CHD9: variants seen among roughly 807,000 people sequenced by gnomAD.
The protein encoded by CHD9 is chromodomain helicase DNA binding protein 9, also known as ATP-dependent chromatin remodeler CHD9.
A neutral mutation model predicts 316.1 loss-of-function variants in CHD9; 77 were observed. The ratio of observed to expected loss-of-function variants is 0.24; its 90% confidence interval spans 0.20 to 0.29. CHD9 has a LOEUF of 0.29. CHD9 is among the 10% of genes least tolerant of loss of function. The pLI is 1.00. For missense variants in CHD9, 2,763 were observed against 3,438.1 expected (o/e 0.80, Z 4.91); for synonymous variants, 1,129 against 1,158.3 (o/e 0.97, Z 0.51).
At chr16:53,093,198 C>G (rs1395577882) in intron 1 of CHD9, among the ~76,000 whole-genome samples, 1 of 152,204 alleles carries the variant, frequency 6.6e-6, no homozygotes, top group Non-Finnish European at 1.5e-5. Flanking sequence ...GGTGGTGAGC[C>G]TCTCTGAATC....
At chr16:53,080,086 G>T (rs2034887582) in intron 1 of CHD9, among the ~76,000 whole-genome samples, 1 of 152,166 alleles carries the variant, frequency 6.6e-6, no homozygotes, top group Admixed American at 6.5e-5. Context: ...CCCTTAACCT[G>T]TGGAATCTCC....
At chr16:53,322,133 GA>G (rs2057317768) in intron 38 of CHD9, among the ~76,000 whole-genome samples, 1 of 151,272 alleles carries the variant, frequency 6.6e-6, no homozygotes, top group Non-Finnish European at 1.5e-5. Flanking sequence ...AAGTAGCTGG[GA>G]CAATAGGTGC....
chr16:53,109,011 G>A (rs766601445), intron 1 of CHD9, among the ~76,000 whole-genome samples: 1 of 152,216 alleles, frequency 6.6e-6, no homozygotes, highest in Non-Finnish European at 1.5e-5. Flanking sequence ...GGGTGTATCT[G>A]GGGATAACTG....
At chr16:53,188,864 C>T (rs2152822454) in intron 2 of CHD9, among the ~76,000 whole-genome samples, 1 of 151,888 alleles carries the variant, frequency 6.6e-6, no homozygotes, top group Admixed American at 6.6e-5. Flanking sequence ...GGATTACAGG[C>T]GTGAGCTACC....
chr16:53,195,318 A>G (rs891849598), intron 2 of CHD9, among the ~76,000 whole-genome samples: 1 of 152,222 alleles, frequency 6.6e-6, no homozygotes, highest in African/African-American at 2.4e-5. Context: ...TATGTTGGAC[A>G]TATACCCAAG....
chr16:53,288,435 G>A (rs1235355749), intron 27 of CHD9, among the ~76,000 whole-genome samples: 2 of 152,230 alleles, frequency 1.3e-5, no homozygotes, highest in Non-Finnish European at 2.9e-5. Context: ...ATAGTTCTCA[G>A]TGCTCTGTTT....
At chr16:53,105,319 T>C (rs1017753265) in intron 1 of CHD9, among the ~76,000 whole-genome samples, 1 of 152,150 alleles carries the variant, frequency 6.6e-6, no homozygotes, top group East Asian at 2.0e-4. Flanking sequence ...ATATTTCATA[T>C]ATATGTATGT....
At chr16:53,106,040 G>A (rs866563409) in intron 1 of CHD9, among the ~76,000 whole-genome samples, 3 of 151,890 alleles carry the variant, frequency 2.0e-5, no homozygotes, top group Non-Finnish European at 2.9e-5. Flanking sequence ...ACCAGGCTTC[G>A]AACTCCTGAC....
chr16:53,230,083 ACAGCT>A (rs1422656116), intron 8 of CHD9, among the ~76,000 whole-genome samples: 1 of 152,158 alleles, frequency 6.6e-6, no homozygotes, highest in Non-Finnish European at 1.5e-5. Flanking sequence ...TTTAAAGGGT[ACAGCT>A]CATTTTGTAG....
intron 1 of CHD9, among the ~76,000 whole-genome samples, chr16:53,151,376 C>A (rs918150459): frequency 3.3e-5 from 5 of 151,812 alleles, no homozygotes; most frequent in African/African-American, 1.2e-4. Context: ...CTCAGCCTCT[C>A]CCAAGTAGCT....
At chr16:53,136,982 T>C (rs2039763294) in intron 1 of CHD9, among the ~76,000 whole-genome samples, 1 of 145,864 alleles carries the variant, frequency 6.9e-6, no homozygotes, top group African/African-American at 2.5e-5. Context: ...TGTGTTTTTC[T>C]TTTTTTTTTT....
intron 8 of CHD9, 101 bp downstream of exon 8, chr16:53,229,201 G>A (rs1282487702): frequency 1.8e-6 from 1 of 571,066 alleles, no homozygotes; most frequent in East Asian, 3.0e-5. Flanking sequence ...GACTTCCAGT[G>A]TTGATATTTG....
chr16:53,147,014 A>C (rs914848042), intron 1 of CHD9, among the ~76,000 whole-genome samples: 1 of 152,162 alleles, frequency 6.6e-6, no homozygotes, highest in African/African-American at 2.4e-5. Flanking sequence ...ATAAATACTT[A>C]TTATCTGATA....
At chr16:53,058,040 A>G (rs781752673) in intron 1 of CHD9, among the ~76,000 whole-genome samples, 2 of 152,196 alleles carry the variant, frequency 1.3e-5, no homozygotes, top group Non-Finnish European at 2.9e-5. Flanking sequence ...GGCATGAGTT[A>G]TAGTGCAGTT....
Position 53,304,092 on chromosome 16 carries a change from C to A in CHD9, c.6086C>A (p.Thr2029Asn), listed in dbSNP as rs773426910. The A allele has an allele frequency of 2.5e-6, 4 of 1,613,834 alleles. No homozygotes were observed. The Admixed American group carries it at 6.7e-5, about 27-fold the overall frequency. ...YQVALSASPLTSLPRLLDAKG... is the reference protein window; with the variant it reads ...YQVALSASPLNSLPRLLDAKG... Reference sequence around the variant, plus strand: ...GTAGCACTTTCTGCTTCTCCTCTTACCTCTCTACCTAGGCTCCTAGATGCT... The same window carrying A: ...GTAGCACTTTCTGCTTCTCCTCTTAACTCTCTACCTAGGCTCCTAGATGCT... The change falls in exon 31 of 39, where the codon ACC (threonine) becomes AAC (asparagine). Residue 2029 changes from threonine (T) to asparagine (N), a missense_variant. Coordinates refer to ENST00000447540, the MANE Select transcript of CHD9 (RefSeq NM_001308319.2).
At chr16:53,316,431 C>T (rs887219192) in intron 36 of CHD9, among the ~76,000 whole-genome samples, 25 of 152,172 alleles carry the variant, frequency 1.6e-4, no homozygotes, top group Admixed American at 4.6e-4. Flanking sequence ...TCATACCTTT[C>T]TCTTTATCAC....
intron 1 of CHD9, among the ~76,000 whole-genome samples, chr16:53,140,222 C>G (rs953231223): frequency 6.7e-6 from 1 of 149,036 alleles, no homozygotes; most frequent in African/African-American, 2.5e-5. Flanking sequence ...TTTGGGAGGC[C>G]GAGGTGGGTG....
At chr16:53,227,207 A>G (rs999514687) in intron 5 of CHD9, 189 bp from the exon 6 acceptor site, 1 of 444,938 alleles carries the variant, frequency 2.2e-6, no homozygotes, top group Non-Finnish European at 4.0e-6. Flanking sequence ...GAGATAATGC[A>G]GGTGATGAAA....
intron 26 of CHD9, among the ~76,000 whole-genome samples, chr16:53,286,882 A>G (rs1258960736): frequency 6.6e-6 from 1 of 152,208 alleles, no homozygotes; most frequent in Non-Finnish European, 1.5e-5. Context: ...TATGCTATGT[A>G]AATAGTTGCT....
Sources: gnomAD v4.1 joint callset for allele counts (sites outside exome capture counted in the v4.1 genomes callset) on GRCh38, gnomAD v4.1.1 for gene constraint, MANE v1.5 for transcripts, NCBI Gene and HGNC (gene_info 2026-07-23, HGNC 2026-07-21) for gene names.